The following RANBP9 variants were observed in gnomAD, a reference collection of about 807,000 sequenced individuals.
RANBP9 encodes the protein ran-binding protein 9.
RANBP9 carries 15 observed loss-of-function variants against 84.3 expected under a neutral mutation model. The ratio of observed to expected loss-of-function variants is 0.18; its 90% CI spans 0.12 to 0.27. The LOEUF (loss-of-function observed/expected upper bound fraction) is 0.27, where lower values mean the gene tolerates loss of function less well. Among genes scored for constraint, RANBP9 ranks in the 10% least tolerant of loss-of-function variants. RANBP9 has a pLI of 1.00. For synonymous variants in RANBP9, 392 were observed against 349.6 expected (o/e 1.12, Z -1.35); for missense variants, 809 against 912.8 (o/e 0.89, Z 1.46).
chr6:13,686,530 C>T (rs144465239), intron 2 of RANBP9, among the ~76,000 whole-genome samples: 7 of 151,860 alleles, frequency 4.6e-5, no homozygotes, highest in African/African-American at 1.7e-4. Context: ...GGTGATCCAC[C>T]CACCTCAGCC....
chr6:13,692,090 T>C (rs990941622), intron 2 of RANBP9, among the ~76,000 whole-genome samples: 1 of 152,186 alleles, frequency 6.6e-6, no homozygotes, highest in Non-Finnish European at 1.5e-5. Flanking sequence ...GAAATAATCT[T>C]TTCTCCAGAA....
intron 4 of RANBP9, among the ~76,000 whole-genome samples, chr6:13,654,357 C>G (rs1056956813): frequency 5.9e-5 from 9 of 152,122 alleles, no homozygotes; most frequent in African/African-American, 2.2e-4. Flanking sequence ...TTCAATAAAA[C>G]AAAGTAAAAA....
At chr6:13,672,707 T>A (rs1008609051) in intron 2 of RANBP9, among the ~76,000 whole-genome samples, 4 of 151,950 alleles carry the variant, frequency 2.6e-5, no homozygotes, top group Non-Finnish European at 5.9e-5. Flanking sequence ...CAAACTCAGA[T>A]AAGGTAGATT....
Position 13,639,618 on chromosome 6 carries a change from A to T in RANBP9, c.1470T>A (p.His490Gln), listed in dbSNP as rs1288135318. Residue 490 changes from histidine (H) to glutamine (Q), a missense_variant, in exon 9 of 14, where the codon CAT becomes CAA. Coordinates refer to ENST00000011619, the MANE Select transcript of RANBP9 (RefSeq NM_005493.3). Reference sequence around the variant, plus strand: ...ATGCTAAATTGTGGATATTCATTCCATGGCTGGGGCTCATACTTGGACTAC... The same window carrying T: ...ATGCTAAATTGTGGATATTCATTCCTTGGCTGGGGCTCATACTTGGACTAC... ...PFSSPSMSPSHGMNIHNLASG... is the reference protein window; with the variant it reads ...PFSSPSMSPSQGMNIHNLASG... 1 of 1,613,156 alleles carries T rather than the reference A, an allele frequency of 6.2e-7. No homozygotes were observed. Among genetic ancestry groups the T allele is most frequent in the East Asian group, 2.2e-5 (1 of 44,874 alleles).
intron 1 of RANBP9, among the ~76,000 whole-genome samples, chr6:13,703,723 G>A (rs1758031932): frequency 1.3e-5 from 2 of 152,158 alleles, no homozygotes; most frequent in African/African-American, 4.8e-5. Context: ...AAAACAACCA[G>A]AAACTAGTGA....
chr6:13,695,381 A>G (rs1040572577), intron 2 of RANBP9, among the ~76,000 whole-genome samples: 1 of 148,052 alleles, frequency 6.8e-6, no homozygotes, highest in African/African-American at 2.5e-5. Context: ...TTCTAGCAAT[A>G]GTGAAACCAC....
rs556772837 is a variant in RANBP9, at chr6:13,698,158, C to A, written c.572-1262G>T. ...ACATGTTCACACCCCCCACTCCCCC[C>A]ACAAAAAAATGGAATGAATTCTGCC... On this transcript the variant is annotated intron_variant, in intron 1 of 13. Coordinates refer to ENST00000011619, the MANE Select transcript of RANBP9 (RefSeq NM_005493.3). Among the ~76,000 whole-genome samples the A allele has an allele frequency of 1.3e-4, 20 of 152,152 alleles. 1 individual carries two copies. In the South Asian group the frequency reaches 3.1e-3, roughly 24 times the overall value.
At chr6:13,705,646 G>A (rs1229444492) in intron 1 of RANBP9, among the ~76,000 whole-genome samples, 1 of 151,604 alleles carries the variant, frequency 6.6e-6, no homozygotes, top group African/African-American at 2.4e-5. Flanking sequence ...CAGATCACAA[G>A]GTCAGGAGAT....
intron 12 of RANBP9, 22 bp downstream of exon 12, chr6:13,632,348 T>C (rs757583012): frequency 6.2e-7 from 1 of 1,604,814 alleles, no homozygotes; most frequent in Admixed American, 1.7e-5. Flanking sequence ...ATTCATAATT[T>C]TTCAAGAAAA....
intron 4 of RANBP9, among the ~76,000 whole-genome samples, chr6:13,653,624 C>T (rs1334451366): frequency 2.0e-5 from 3 of 152,010 alleles, no homozygotes; most frequent in Admixed American, 2.0e-4. Context: ...AAGGTCTCTT[C>T]CTACTTGACA....
chr6:13,692,795 G>C (rs1766357143), intron 2 of RANBP9, among the ~76,000 whole-genome samples: 1 of 152,176 alleles, frequency 6.6e-6, no homozygotes, highest in South Asian at 2.1e-4. Context: ...GGAAGTTACA[G>C]TGAGCCAAGA....
chr6:13,641,770 G>A (rs1274342384), intron 7 of RANBP9, among the ~76,000 whole-genome samples: 1 of 152,156 alleles, frequency 6.6e-6, no homozygotes, highest in Non-Finnish European at 1.5e-5. Flanking sequence ...ATGAGTAAGT[G>A]ATCTCTGTTC....
At chr6:13,702,425 G>A (rs1480773810) in intron 1 of RANBP9, among the ~76,000 whole-genome samples, 2 of 152,092 alleles carry the variant, frequency 1.3e-5, no homozygotes, top group African/African-American at 2.4e-5. Context: ...TAATAACCAG[G>A]TAGGCTAATC....
At chr6:13,704,848 C>T (rs1268529051) in intron 1 of RANBP9, among the ~76,000 whole-genome samples, 1 of 152,156 alleles carries the variant, frequency 6.6e-6, no homozygotes, top group Non-Finnish European at 1.5e-5. Context: ...CTCCAAGAAG[C>T]TATCCCTGAT....
At chr6:13,644,842 T>TC (rs2127766336) in intron 5 of RANBP9, 113 bp from the exon 6 acceptor site, 1 of 902,458 alleles carries the variant, frequency 1.1e-6, no homozygotes, top group South Asian at 2.9e-5. Flanking sequence ...TATTTTAAAA[T>TC]CCCAATCAAA....
intron 1 of RANBP9, among the ~76,000 whole-genome samples, chr6:13,709,444 T>A (rs920980551): frequency 6.6e-6 from 1 of 152,216 alleles, no homozygotes; most frequent in Admixed American, 6.5e-5. Context: ...AATTATAAAA[T>A]TCTGTCACAT....
At chr6:13,690,185 C>T (rs138907473) in intron 2 of RANBP9, among the ~76,000 whole-genome samples, 1 of 152,320 alleles carries the variant, frequency 6.6e-6, no homozygotes, top group African/African-American at 2.4e-5. Context: ...TGAGTTTCTA[C>T]TAAATGTCAG....
In RANBP9 at chr6:13,644,402, G is replaced by A. The variant is rs547992460; in HGVS notation, c.1112+143C>T. ...TAAATAGTGGAGTAAATTACTTTTC[G>A]TTGAGAGATTAAAATCAATAATATA... On this transcript the variant is annotated intron_variant, in intron 6 of 13. Coordinates refer to ENST00000011619, the MANE Select transcript of RANBP9 (RefSeq NM_005493.3). The A allele has an allele frequency of 6.9e-4, 526 of 757,214 alleles. 6 individuals carry two copies. The South Asian group carries it at 8.0e-3, about 11-fold the overall frequency. The allele number at this position is 757,214 out of a possible 1,614,324, so 46.9% of individuals were successfully genotyped here.
intron 4 of RANBP9, among the ~76,000 whole-genome samples, chr6:13,656,401 TA>T (rs3839575): frequency 0.24 from 35,860 of 148,984 alleles, 4,582 homozygotes; most frequent in Admixed American, 0.29. Flanking sequence ...TTCTATAGTT[TA>T]AAAAAAAAAA....
Sources: allele counts gnomAD v4.1 joint callset (sites outside exome capture counted in the v4.1 genomes callset), GRCh38; gene constraint gnomAD v4.1.1; transcripts MANE v1.5; gene names NCBI Gene and HGNC (gene_info 2026-07-23, HGNC 2026-07-21).